FAM135B: variants seen among roughly 807,000 people sequenced by gnomAD.
FAM135B encodes protein FAM135B.
FAM135B carries 43 observed loss-of-function variants against 127.7 expected under a neutral mutation model. The observed-to-expected ratio is 0.34, with a 90% CI of 0.26 to 0.43. The LOEUF is 0.43. Ranked by LOEUF, FAM135B falls within the 20% of genes least tolerant of loss-of-function variation. FAM135B has a pLI of 1.00. For synonymous variants in FAM135B, 670 were observed against 665.1 expected (o/e 1.01, Z -0.11); for missense variants, 1,558 against 1,725.6 (o/e 0.90, Z 1.72).
intron 11 of FAM135B, among the ~76,000 whole-genome samples, chr8:138,174,539 CTCT>C (rs1814251689): frequency 6.6e-6 from 1 of 152,188 alleles, no homozygotes; most frequent in Non-Finnish European, 1.5e-5. Flanking sequence ...TGTTTTACAG[CTCT>C]TCTTATTCTT....
chr8:138,311,035 C>T (rs1414108863), intron 2 of FAM135B, 115 bp from the exon 3 acceptor site: 1 of 717,502 alleles, frequency 1.4e-6, no homozygotes, highest in Admixed American at 2.7e-5. Context: ...TTCTTGGCAG[C>T]ATGCACAATC....
chr8:138,302,880 C>T (rs1476944280), intron 3 of FAM135B, among the ~76,000 whole-genome samples: 1 of 152,210 alleles, frequency 6.6e-6, no homozygotes, highest in Admixed American at 6.5e-5. Flanking sequence ...AGTATCTTAA[C>T]AGAAATCACA....
chr8:138,442,438 C>A (rs1835859848), intron 1 of FAM135B, among the ~76,000 whole-genome samples: 1 of 151,438 alleles, frequency 6.6e-6, no homozygotes, highest in Non-Finnish European at 1.5e-5. Flanking sequence ...GAAGTGAATG[C>A]TGTTTAACAT....
intron 1 of FAM135B, among the ~76,000 whole-genome samples, chr8:138,484,527 G>C (rs1234826576): frequency 2.0e-5 from 3 of 151,974 alleles, no homozygotes; most frequent in Non-Finnish European, 2.9e-5. Flanking sequence ...ATTTTTTTAG[G>C]GCTAATGATG....
chr8:138,390,787 C>T (rs1349693300), intron 1 of FAM135B, among the ~76,000 whole-genome samples: 1 of 152,134 alleles, frequency 6.6e-6, no homozygotes, highest in East Asian at 1.9e-4. Context: ...CAGCTCTAGA[C>T]AGGCCTTTTC....
chr8:138,372,664 TAG>T (rs1468442649), intron 1 of FAM135B, among the ~76,000 whole-genome samples: 1 of 152,194 alleles, frequency 6.6e-6, no homozygotes, highest in Non-Finnish European at 1.5e-5. Flanking sequence ...GCACTCAGAA[TAG>T]AGACTGGCAT....
intron 1 of FAM135B, among the ~76,000 whole-genome samples, chr8:138,375,360 GCCTCTATAGTCTCTC>G (rs1431765459): frequency 6.6e-6 from 1 of 152,112 alleles, no homozygotes; most frequent in Non-Finnish European, 1.5e-5. Flanking sequence ...CTGGAATGGA[GCCTCTATAGTCTCTC>G]TCTGTGTGTT....
At chr8:138,210,639 A>G (rs1256264366) in intron 7 of FAM135B, among the ~76,000 whole-genome samples, 1 of 152,156 alleles carries the variant, frequency 6.6e-6, no homozygotes, top group Admixed American at 6.5e-5. Flanking sequence ...ACTCACTATC[A>G]TGAGAACAGC....
intron 7 of FAM135B, among the ~76,000 whole-genome samples, chr8:138,223,864 C>A (rs60498507): frequency 0.13 from 19,133 of 152,102 alleles, 1,344 homozygotes; most frequent in African/African-American, 0.14. Context: ...CATAAAAAAT[C>A]ACAAAATTAT....
intron 1 of FAM135B, among the ~76,000 whole-genome samples, chr8:138,418,913 C>T (rs1008932185): frequency 6.8e-6 from 1 of 146,530 alleles, no homozygotes; most frequent in East Asian, 2.0e-4. Flanking sequence ...TACTTAAGCA[C>T]ATAGCGCACT....
rs1432384914 is a variant in FAM135B at position 138,243,162 on chromosome 8, T to C, written c.543-94A>G. The C allele has an allele frequency of 1.4e-6, 2 of 1,444,628 alleles. No homozygotes were observed. The highest frequency in any genetic ancestry group is 4.7e-5 in the East Asian group (2 of 42,530). The allele number at this position is 1,444,628 out of a possible 1,614,324, so 89.5% of individuals were successfully genotyped here. A position where few individuals can be genotyped will look rare whatever the true frequency, so the allele number is the denominator to read the frequency against. ...CTTTGAGGAGTGTTCCTGTGAAGCA[T>C]TTGGGATAAGTCATTTAGGAGTAGT... is the stretch of plus-strand genomic sequence containing the variant. On this transcript the variant is annotated intron_variant, in intron 6 of 19. Coordinates refer to ENST00000395297, the MANE Select transcript of FAM135B (RefSeq NM_015912.4). The surrounding 1 kb of genome is among the most constrained non-coding windows in gnomAD (Gnocchi z 7.5).
intron 2 of FAM135B, among the ~76,000 whole-genome samples, chr8:138,314,422 TG>T: frequency 6.6e-6 from 1 of 151,970 alleles, no homozygotes; most frequent in Non-Finnish European, 1.5e-5. Context: ...AAAGAACTCT[TG>T]GAACTCAGTA....
At chr8:138,300,266 T>TAA (rs35141807) in intron 3 of FAM135B, among the ~76,000 whole-genome samples, 141 of 148,090 alleles carry the variant, frequency 9.5e-4, no homozygotes, top group Middle Eastern at 3.4e-3. Flanking sequence ...TGGGAATAAT[T>TAA]AAAAAAAAAA....
intron 1 of FAM135B, among the ~76,000 whole-genome samples, chr8:138,413,193 T>G (rs1160946581): frequency 6.6e-6 from 1 of 152,164 alleles, no homozygotes; most frequent in Non-Finnish European, 1.5e-5. Flanking sequence ...ATAGAATTGA[T>G]GAAGTTTTTC....
At chr8:138,432,790 A>G (rs750554051) in intron 1 of FAM135B, among the ~76,000 whole-genome samples, 11 of 152,168 alleles carry the variant, frequency 7.2e-5, no homozygotes, top group Non-Finnish European at 1.5e-4. Context: ...GTGAACACAC[A>G]GTACATTCTT....
At chr8:138,418,897 A>AC (rs1466249641) in intron 1 of FAM135B, among the ~76,000 whole-genome samples, 4 of 151,978 alleles carry the variant, frequency 2.6e-5, no homozygotes, top group African/African-American at 9.7e-5. Context: ...AAAAAAAAAA[A>AC]AAACATACTT....
chr8:138,199,837 A>G (rs988441174), intron 7 of FAM135B, among the ~76,000 whole-genome samples: 2 of 152,194 alleles, frequency 1.3e-5, no homozygotes, highest in Non-Finnish European at 2.9e-5. Context: ...AACTGCCCCA[A>G]TGATCCAATC....
In FAM135B at chr8:138,394,021, G is replaced by A. The variant is rs543496404; in HGVS notation, c.-19-26019C>T. ...CATGCCTGAGCAAACAGGACACTTT[G>A]GTTCATGTGATGGGCTGTGGAATCT... On this transcript the variant is annotated intron_variant, in intron 1 of 19. Transcript: ENST00000395297. 8.5e-5 allele frequency among the ~76,000 whole-genome samples: 13 copies of A among 152,282 alleles called. No individual in the cohort carries two copies. The South Asian group carries it at 2.5e-3, about 29-fold the overall frequency.
At chr8:138,261,699 C>G (rs1172108817) in intron 4 of FAM135B, among the ~76,000 whole-genome samples, 1 of 152,204 alleles carries the variant, frequency 6.6e-6, no homozygotes, top group African/African-American at 2.4e-5. Context: ...TCCTCGTACA[C>G]CTTAACTTGT....
Sources: gnomAD v4.1 joint callset for allele counts (sites outside exome capture counted in the v4.1 genomes callset) on GRCh38, gnomAD v4.1.1 for gene constraint, Gnocchi (gnomAD v3.1) non-coding constraint, MANE v1.5 for transcripts, NCBI Gene and HGNC (gene_info 2026-07-23, HGNC 2026-07-21) for gene names.